The following TBC1D9 variants were observed in gnomAD, a reference collection of about 807,000 sequenced individuals.
TBC1D9 encodes TBC1 domain family member 9.
In TBC1D9, 63 loss-of-function variants were observed where a neutral mutation model predicts 132.0. The observed-to-expected ratio is 0.48, with a 90% CI of 0.39 to 0.59. The LOEUF (loss-of-function observed/expected upper bound fraction) is 0.59, where lower values mean the gene tolerates loss of function less well. Ranked by LOEUF, TBC1D9 falls within the 20% of genes least tolerant of loss-of-function variation. TBC1D9 has a pLI of 0.00. For missense variants in TBC1D9, 1,261 were observed against 1,592.7 expected (o/e 0.79, Z 3.54); for synonymous variants, 610 against 609.9 (o/e 1.00, Z 0.00).
intron 9 of TBC1D9, among the ~76,000 whole-genome samples, chr4:140,666,481 G>A (rs1406639032): frequency 1.3e-5 from 2 of 152,044 alleles, no homozygotes; most frequent in South Asian, 2.1e-4. Flanking sequence ...GACTACAGGC[G>A]CCCGCCACCG....
At position 140,755,950 on chromosome 4, in the gene TBC1D9, G is replaced by C; in HGVS notation, c.96C>G (p.His32Gln). ...PYFILQRRKG[H>Q]AGDGGGGGGL... The stretch of plus-strand genomic sequence containing the variant: ...CGCCGCCGCCGCCTCCATCGCCGGC[G>C]TGGCCCTTCCTCCGCTGCAGGATGA... Residue 32 changes from histidine (H) to glutamine (Q), a missense_variant, in exon 1 of 21, where the codon CAC (histidine) becomes CAG (glutamine). Coordinates refer to ENST00000442267, the MANE Select transcript of TBC1D9 (RefSeq NM_015130.3). 6.3e-7 allele frequency: 1 copy of C among 1,596,666 alleles called. No homozygotes were observed. The highest frequency in any genetic ancestry group is 8.5e-7 in the Non-Finnish European group (1 of 1,172,914).
At chr4:140,727,441 G>A (rs1738518710) in intron 1 of TBC1D9, among the ~76,000 whole-genome samples, 1 of 152,202 alleles carries the variant, frequency 6.6e-6, no homozygotes, top group Non-Finnish European at 1.5e-5. Context: ...AGCCCAGCCT[G>A]GGGCAGAGTC....
chr4:140,639,630 G>A (rs1736948107), intron 13 of TBC1D9, among the ~76,000 whole-genome samples: 1 of 152,180 alleles, frequency 6.6e-6, no homozygotes, highest in Non-Finnish European at 1.5e-5. Context: ...AGGCAGCTCA[G>A]CAGCTGAATT....
intron 1 of TBC1D9, among the ~76,000 whole-genome samples, chr4:140,754,218 G>A (rs946070568): frequency 6.6e-6 from 1 of 152,166 alleles, no homozygotes; most frequent in South Asian, 2.1e-4. Context: ...ACAGGTAAAT[G>A]AATACTTAAT....
chr4:140,622,375 C>G lies in TBC1D9; in HGVS notation c.3621G>C (p.Arg1207=), dbSNP rs760970296. The G allele has an allele frequency of 6.2e-7, 1 of 1,613,194 alleles. No individual in the cohort carries two copies. The highest frequency in any genetic ancestry group is 8.5e-7 in the Non-Finnish European group (1 of 1,179,262). ...ACTGCTCGAAGGTGATGGCCCAGTC[C>G]CGGTCCAGGCTGGTGCTCCGGGGCA... ...AALPRSTSLD[R]DWAITFEQFL... is the part of the protein sequence containing the mutation. The change falls in exon 21 of 21, where the codon CGG becomes CGC. Residue 1207 remains arginine, a synonymous_variant. Transcript: ENST00000442267.
At position 140,657,521 on chromosome 4, in the gene TBC1D9, C is replaced by T. The variant is rs1374307245; in HGVS notation, c.2207+6G>A. The T allele has an allele frequency of 1.2e-6, 2 of 1,610,440 alleles. No individual in the cohort carries two copies. The highest frequency in any genetic ancestry group is 1.7e-6 in the Non-Finnish European group (2 of 1,178,076). On this transcript the variant is annotated splice_donor_region_variant and intron_variant, in intron 12 of 20. Transcript: ENST00000442267. The stretch of plus-strand genomic sequence containing the variant: ...ATGGTTTTCAAAGTTAGGCTTAGTA[C>T]AATACCTTCCCAAAACGGTCATGGC...
chr4:140,720,597 C>A (rs1279359419), intron 1 of TBC1D9, among the ~76,000 whole-genome samples: 1 of 152,220 alleles, frequency 6.6e-6, no homozygotes, highest in Non-Finnish European at 1.5e-5. Context: ...CTGCTTCCCA[C>A]ACACAGGAAA....
chr4:140,637,265 G>A lies in TBC1D9; in HGVS notation c.2505+1821C>T, dbSNP rs192950878. Among the ~76,000 whole-genome samples, 763 of 152,126 alleles carry A rather than the reference G, an allele frequency of 5.0e-3. 4 individuals carry two copies. Among genetic ancestry groups the A allele is most frequent in the African/African-American group, 0.017 (700 of 41,504 alleles). On this transcript the variant is annotated intron_variant, in intron 15 of 20. Transcript: ENST00000442267. Reference sequence around the variant, plus strand: ...CTCGGGAGCCTGAGGCAGGAGAATCGCTTGAACCTGGGAGGCAGAGGCTAC... The same window carrying A: ...CTCGGGAGCCTGAGGCAGGAGAATCACTTGAACCTGGGAGGCAGAGGCTAC...
At chr4:140,625,967 G>A (rs2110963448) in intron 18 of TBC1D9, among the ~76,000 whole-genome samples, 1 of 152,292 alleles carries the variant, frequency 6.6e-6, no homozygotes, top group African/African-American at 2.4e-5. Context: ...CAAAGCAATA[G>A]CATCTTTGGC....
At chr4:140,737,033 C>T (rs779733748) in intron 1 of TBC1D9, among the ~76,000 whole-genome samples, 5 of 152,128 alleles carry the variant, frequency 3.3e-5, no homozygotes, top group Admixed American at 6.5e-5. Flanking sequence ...GGAATGGTTT[C>T]GGGATGAAAC....
intron 4 of TBC1D9, 68 bp downstream of exon 4, chr4:140,679,547 G>C: frequency 9.0e-7 from 1 of 1,116,196 alleles, no homozygotes; most frequent in Non-Finnish European, 1.3e-6. Flanking sequence ...TTTTGATGTG[G>C]TTTATGAGTT....
At chr4:140,633,164 G>T (rs1388702887) in intron 16 of TBC1D9, among the ~76,000 whole-genome samples, 1 of 152,072 alleles carries the variant, frequency 6.6e-6, no homozygotes, top group African/African-American at 2.4e-5. Context: ...CTTTCCTTGG[G>T]TACTTCTTTT....
At position 140,634,090 on chromosome 4, in the gene TBC1D9, G is replaced by A. The variant is rs755931380; in HGVS notation, c.2604C>T (p.Phe868=). 1.9e-5 allele frequency: 31 copies of A among 1,613,906 alleles called. No individual in the cohort carries two copies. The highest frequency in any genetic ancestry group is 6.7e-5 in the African/African-American group (5 of 74,936). The change falls in exon 16 of 21, where the codon TTC becomes TTT. Residue 868 remains phenylalanine, a synonymous_variant. Transcript: ENST00000442267. ...LPYLEQYRID[F]EQFKGMFALL... ...GAGCAAACATTCCCTTGAACTGCTC[G>A]AAGTCAATGCGATACTGTTCCAGGT...
Position 140,622,121 on chromosome 4 carries a change from A to G in TBC1D9, c.*74T>C, listed in dbSNP as rs1262478358. ...ATATTTAATTTAAAAGAAAGAAAGA[A>G]AAAACTCAACACAGAAGAACATAAA... On this transcript the variant is annotated 3_prime_UTR_variant, in exon 21 of 21. Transcript: ENST00000442267. 2.0e-6 allele frequency: 3 copies of G among 1,486,728 alleles called. No homozygotes were observed. Among genetic ancestry groups the G allele is most frequent in the Non-Finnish European group, 2.7e-6 (3 of 1,117,756 alleles). 92.1% of individuals were successfully genotyped at this position (1,486,728 alleles called of 1,614,324 possible). A position where few individuals can be genotyped will look rare whatever the true frequency, so the allele number is the denominator to read the frequency against.
At chr4:140,713,720 AGAGT>A (rs1738284900) in intron 1 of TBC1D9, among the ~76,000 whole-genome samples, 1 of 150,798 alleles carries the variant, frequency 6.6e-6, no homozygotes, top group Non-Finnish European at 1.5e-5. Flanking sequence ...CCTGGGAGAC[AGAGT>A]GAGACCCTAT....
At chr4:140,639,520 T>G (rs1736946092) in intron 13 of TBC1D9, 92 bp from the exon 14 acceptor site, 2 of 880,972 alleles carry the variant, frequency 2.3e-6, no homozygotes, top group Admixed American at 2.1e-5. Context: ...TCTTGACACA[T>G]CAAAGAAATG....
intron 1 of TBC1D9, among the ~76,000 whole-genome samples, chr4:140,731,362 C>T (rs908277529): frequency 7.2e-5 from 11 of 151,966 alleles, no homozygotes; most frequent in African/African-American, 2.7e-4. Context: ...AGTCTCACTG[C>T]CCAAATCCAG....
At chr4:140,648,500 C>T (rs895200175) in intron 13 of TBC1D9, among the ~76,000 whole-genome samples, 1 of 151,912 alleles carries the variant, frequency 6.6e-6, no homozygotes, top group African/African-American at 2.4e-5. Flanking sequence ...ATCCTCCCAC[C>T]TCAGCCTCCC....
Position 140,686,363 on chromosome 4 carries a change from A to C in TBC1D9, c.341T>G (p.Phe114Cys). The C allele has an allele frequency of 6.3e-7, 1 of 1,598,578 alleles. No individual in the cohort carries two copies. The highest frequency in any genetic ancestry group is 8.6e-7 in the Non-Finnish European group (1 of 1,168,166). ...CACTACCTGTATTTTTCCTCTCACA[A>C]ATGTGGTGATATCATTCTCATTTTC... ...IFENENDITT[F>C]VRGKIQGIIA... Residue 114 changes from phenylalanine to cysteine, a missense_variant, in exon 3 of 21, where the codon TTT (phenylalanine) becomes TGT (cysteine). Coordinates refer to ENST00000442267, the MANE Select transcript of TBC1D9 (RefSeq NM_015130.3).
Sources: allele counts gnomAD v4.1 joint callset (sites outside exome capture counted in the v4.1 genomes callset), GRCh38; gene constraint gnomAD v4.1.1; transcripts MANE v1.5; gene names NCBI Gene and HGNC (gene_info 2026-07-23, HGNC 2026-07-21).